EVX1: variants seen among roughly 807,000 people sequenced by gnomAD.
The protein encoded by EVX1 is homeobox even-skipped homolog protein 1.
EVX1 carries 19 observed loss-of-function variants against 28.6 expected under a neutral mutation model. The ratio of observed to expected loss-of-function variants is 0.67; its 90% CI spans 0.46 to 0.98. The LOEUF (loss-of-function observed/expected upper bound fraction) is 0.98. EVX1 is among the 50% of genes least tolerant of loss of function. EVX1 has a pLI of 0.00. For missense variants in EVX1, 660 were observed against 583.0 expected (o/e 1.13, Z -1.36); for synonymous variants, 324 against 278.2 (o/e 1.16, Z -1.64).
chr7:27,243,396 A>T lies in EVX1; in HGVS notation c.366A>T (p.Glu122Asp), dbSNP rs755531580. ...ACACCGAGTCGGATTTCTATGAAGA[A>T]ATCGAGGTGAGCTGCACCCCGGACT... ...SSDTESDFYEEIEVSCTPDCA... is the reference protein window; with the variant it reads ...SSDTESDFYEDIEVSCTPDCA... The change falls in exon 1 of 3, where the codon GAA becomes GAT. Residue 122 changes from glutamate to aspartate, a missense_variant. Glu to Asp is a conservative substitution (Grantham distance 45, BLOSUM62 2). Transcript: ENST00000496902. 6 of 1,612,176 alleles carry T rather than the reference A, an allele frequency of 3.7e-6. No homozygotes were observed. In the South Asian group the frequency reaches 6.6e-5, roughly 18 times the overall value.
chr7:27,246,423 T>C lies in EVX1; in HGVS notation c.1222T>C (p.Ter408GlnextTer10). The C allele has an allele frequency of 6.3e-7, 1 of 1,593,086 alleles. No homozygotes were observed. Among genetic ancestry groups the C allele is most frequent in the Non-Finnish European group, 8.5e-7 (1 of 1,175,590 alleles). ...GAGGGAGGAGGTGCCCCTCACTAGA[T>C]AAGGGGCCGCCGGCTGGCTGCCGGC... ...DQREEVPLTR[*>Q] Residue 408 changes from the stop codon to glutamine (Q), a stop_lost, in exon 3 of 3, where the codon TAA (stop) becomes CAA (glutamine). Transcript: ENST00000496902.
intron 1 of EVX1, chr7:27,243,663 G>C (rs1221269205): frequency 3.6e-6 from 2 of 558,892 alleles, no homozygotes; most frequent in South Asian, 2.9e-5. Flanking sequence ...GCAGTGCCTT[G>C]AGTGCGGGGT....
At position 27,245,272 on chromosome 7, in the gene EVX1, G is replaced by T. The variant is rs1179117246; in HGVS notation, c.652G>T (p.Ala218Ser). The T allele has an allele frequency of 6.2e-6, 10 of 1,613,376 alleles. No homozygotes were observed. Among genetic ancestry groups the T allele is most frequent in the Non-Finnish European group, 7.6e-6 (9 of 1,180,036 alleles). ...VSRPRRCELA[A>S]ALNLPETTIK... ...CAGGCCGCGGAGATGTGAGCTGGCG[G>T]CCGCCCTAAACCTGCCGGAAACCAC... The change falls in exon 2 of 3, where the codon GCC becomes TCC. Residue 218 changes from alanine to serine, a missense_variant. Coordinates refer to ENST00000496902, the MANE Select transcript of EVX1 (RefSeq NM_001989.5).
rs1399564306 is a variant in EVX1 at position 27,245,951 on chromosome 7, G to A, written c.750G>A (p.Pro250=). The change falls in exon 3 of 3, where the codon CCG becomes CCA. Residue 250 remains proline, a synonymous_variant. Coordinates refer to ENST00000496902, the MANE Select transcript of EVX1 (RefSeq NM_001989.5). The part of the protein sequence containing the change: ...RQRLAMTWPH[P]ADPAFYTYMM... ...GCCTGGCCATGACGTGGCCGCACCC[G>A]GCGGACCCCGCCTTCTACACTTACA... The A allele has an allele frequency of 1.9e-6, 3 of 1,609,708 alleles. No individual in the cohort carries two copies. Among genetic ancestry groups the A allele is most frequent in the South Asian group, 1.1e-5 (1 of 91,068 alleles).
At chr7:27,243,508 C>T in intron 1 of EVX1, 51 bp downstream of exon 1, 2 of 1,522,422 alleles carry the variant, frequency 1.3e-6, no homozygotes, top group Non-Finnish European at 1.8e-6. Context: ...GCCCACCCTT[C>T]ACTTCGGCGC....
rs960911160 is a variant in EVX1, at chr7:27,246,383, C to A, written c.1182C>A (p.Ser394=). The change falls in exon 3 of 3, where the codon TCC becomes TCA. Residue 394 remains serine (S), a synonymous_variant. Transcript: ENST00000496902. ...CCTCGGTGCTCAGCAAGGCCTCCTC[C>A]GTCGCGCTGGACCAGAGGGAGGAGG... The part of the protein sequence containing the change: ...FAPSVLSKAS[S]VALDQREEVP... 3.7e-6 allele frequency: 6 copies of A among 1,602,798 alleles called. No homozygotes were observed. In the African/African-American group the frequency reaches 5.4e-5, roughly 14 times the overall value.
rs745565967 is a variant in EVX1, at chr7:27,246,115, G to A, written c.914G>A (p.Arg305His). 4.0e-5 allele frequency: 62 copies of A among 1,542,968 alleles called. No individual in the cohort carries two copies. The highest frequency in any genetic ancestry group is 1.9e-5 in the Admixed American group (1 of 52,400). ...AAASPFSGSLRPLDTFRVLSQ... is the reference protein window; with the variant it reads ...AAASPFSGSLHPLDTFRVLSQ... ...GCCTCGCCCTTCAGCGGCTCGCTGC[G>A]CCCGCTCGACACGTTCCGCGTGCTG... The change falls in exon 3 of 3, where the codon CGC becomes CAC. Residue 305 changes from arginine (R) to histidine (H), a missense_variant. By Grantham distance (29) the Arg-to-His change is conservative. Around this residue, in one of 3 missense-constraint regions of EVX1, gnomAD observed 299 missense variants for 241.3 expected, o/e 1.24. Coordinates refer to ENST00000496902, the MANE Select transcript of EVX1 (RefSeq NM_001989.5).
rs926472648 is a variant in EVX1 at position 27,243,029 on chromosome 7, G to A, written c.-2G>A. 3.8e-6 allele frequency: 6 copies of A among 1,580,680 alleles called. No homozygotes were observed. In the East Asian group the frequency reaches 1.2e-4, roughly 31 times the overall value. ...TCCCCTCCCCCACCGGAGAGCCCCGGGATGGAGAGCCGAAAGGACATGGTT... is the reference window on the plus strand; with the variant it reads ...TCCCCTCCCCCACCGGAGAGCCCCGAGATGGAGAGCCGAAAGGACATGGTT... On this transcript the variant is annotated 5_prime_UTR_variant, in exon 1 of 3. Coordinates refer to ENST00000496902, the MANE Select transcript of EVX1 (RefSeq NM_001989.5).
intron 2 of EVX1, 99 bp downstream of exon 2, chr7:27,245,403 C>T: frequency 6.6e-7 from 1 of 1,520,586 alleles, no homozygotes; most frequent in South Asian, 1.3e-5. Context: ...GAATCTGGGC[C>T]TGGGGTCTCC....
rs1351130439 is a variant in EVX1 at position 27,246,134 on chromosome 7, C to A, written c.933C>A (p.Arg311=). The change falls in exon 3 of 3, where the codon CGC becomes CGA. Residue 311 remains arginine (R), a synonymous_variant. Coordinates refer to ENST00000496902, the MANE Select transcript of EVX1 (RefSeq NM_001989.5). ...SGSLRPLDTF[R]VLSQPYPRPE... ...CGCTGCGCCCGCTCGACACGTTCCGCGTGCTGTCGCAGCCCTACCCGCGGC... is the reference window on the plus strand; with the variant it reads ...CGCTGCGCCCGCTCGACACGTTCCGAGTGCTGTCGCAGCCCTACCCGCGGC... The A allele has an allele frequency of 1.3e-6, 2 of 1,530,802 alleles. No individual in the cohort carries two copies. Among genetic ancestry groups the A allele is most frequent in the Admixed American group, 2.0e-5 (1 of 50,750 alleles). The allele number at this position is 1,530,802 out of a possible 1,614,324, so 94.8% of individuals were successfully genotyped here. A position where few individuals can be genotyped will look rare whatever the true frequency, so the allele number is the denominator to read the frequency against.
In EVX1 at chr7:27,245,095, AC is replaced by A; in HGVS notation, c.480del (p.Lys161ArgfsTer60). 1 of 1,612,860 alleles carries A rather than the reference AC, an allele frequency of 6.2e-7. No homozygotes were observed. The highest frequency in any genetic ancestry group is 1.7e-5 in the Admixed American group (1 of 60,014). ...CGGCAGTCCGAACGGAGGGAGCGAG[AC>A]CCCCAAGAGCAACGGCGGCAGTGGT... ...LVGSPNGGSE[T>X]PKSNGGSGGG... On this transcript the variant is annotated frameshift_variant, in exon 2 of 3. Transcript: ENST00000496902. LOFTEE classifies it high-confidence loss of function.
At chr7:27,244,610 T>C in intron 1 of EVX1, 1 of 524,264 alleles carries the variant, frequency 1.9e-6, no homozygotes, top group South Asian at 7.2e-5. Context: ...TGGCAGCCCG[T>C]CACACATAAG....
In EVX1 at chr7:27,245,908, T is replaced by G. The variant is rs1783158674; in HGVS notation, c.707T>G (p.Met236Arg). 1 of 1,611,904 alleles carries G rather than the reference T, an allele frequency of 6.2e-7. No individual in the cohort carries two copies. Among genetic ancestry groups the G allele is most frequent in the Admixed American group, 1.7e-5 (1 of 59,956 alleles). ...CAGGTGTGGTTCCAGAACCGGCGCATGAAGGACAAGCGGCAGCGCCTGGCC... is the reference window on the plus strand; with the variant it reads ...CAGGTGTGGTTCCAGAACCGGCGCAGGAAGGACAAGCGGCAGCGCCTGGCC... ...TIKVWFQNRR[M>R]KDKRQRLAMT... The change falls in exon 3 of 3, where the codon ATG becomes AGG. Residue 236 changes from methionine to arginine, a missense_variant. Physicochemically the swap from Met to Arg is moderately conservative, Grantham distance 91. Around this residue, in one of 3 missense-constraint regions of EVX1, gnomAD observed 53 missense variants for 85.1 expected, o/e 0.62. Transcript: ENST00000496902.
chr7:27,246,758 A>C lies in EVX1; in HGVS notation c.*333A>C. On this transcript the variant is annotated 3_prime_UTR_variant, in exon 3 of 3. Transcript: ENST00000496902. ...AAACTTAGCAGCAACAGCAACCAATATCCAGTCCCTCGGCCCCTCGGCCCC... is the reference window on the plus strand; with the variant it reads ...AAACTTAGCAGCAACAGCAACCAATCTCCAGTCCCTCGGCCCCTCGGCCCC... The C allele has an allele frequency of 2.0e-4, 72 of 351,536 alleles. No homozygotes were observed. The highest frequency in any genetic ancestry group is 6.5e-4 in the East Asian group (9 of 13,854). The allele number at this position is 351,536 out of a possible 1,614,324, so 21.8% of individuals were successfully genotyped here. A position where few individuals can be genotyped will look rare whatever the true frequency, so the allele number is the denominator to read the frequency against.
chr7:27,244,585 T>C, intron 1 of EVX1: 2 of 709,720 alleles, frequency 2.8e-6, no homozygotes, highest in South Asian at 5.7e-5. Context: ...CTAGTACACA[T>C]TCCCACACCT....
chr7:27,244,613 C>A, intron 1 of EVX1: 1 of 484,020 alleles, frequency 2.1e-6, no homozygotes, highest in Non-Finnish European at 2.8e-6. Context: ...CAGCCCGTCA[C>A]ACATAAGAGC....
At position 27,243,110 on chromosome 7, in the gene EVX1, TG is replaced by T; in HGVS notation, c.81del (p.Leu27PhefsTer22). 1.2e-6 allele frequency: 2 copies of T among 1,612,070 alleles called. No individual in the cohort carries two copies. The highest frequency in any genetic ancestry group is 1.7e-6 in the Non-Finnish European group (2 of 1,179,222). ...GTLVGKRVSN[L>X]SEAVGSPLPE... The stretch of plus-strand genomic sequence containing the variant: ...CTGGTTGGCAAGAGAGTCTCAAATT[TG>T]TCCGAAGCCGTGGGCAGCCCGCTGC... On this transcript the variant is annotated frameshift_variant, in exon 1 of 3. Coordinates refer to ENST00000496902, the MANE Select transcript of EVX1 (RefSeq NM_001989.5). LOFTEE classifies it high-confidence loss of function.
rs2115495969 is a variant in EVX1 at position 27,245,398 on chromosome 7, TG to T, written c.684+97del. ...CTCCCTGAAACGCAGGCCAGGAATC[TG>T]GGCCTGGGGTCTCCCTGCCCGGCGC... On this transcript the variant is annotated intron_variant, in intron 2 of 2. Coordinates refer to ENST00000496902, the MANE Select transcript of EVX1 (RefSeq NM_001989.5). 3.9e-6 allele frequency: 6 copies of T among 1,542,646 alleles called. No homozygotes were observed. The South Asian group carries it at 7.4e-5, about 19-fold the overall frequency.
At chr7:27,243,536 C>G (rs1422971257) in intron 1 of EVX1, 79 bp downstream of exon 1, 1 of 1,445,414 alleles carries the variant, frequency 6.9e-7, no homozygotes, top group Non-Finnish European at 9.2e-7. Flanking sequence ...GAGGAAGACA[C>G]TCCCTTCCCC....
Sources: gnomAD v4.1 joint callset for allele counts on GRCh38, gnomAD v4.1.1 for gene constraint, gnomAD v4.1.1 regional missense constraint, MANE v1.5 for transcripts, NCBI Gene and HGNC (gene_info 2026-07-23, HGNC 2026-07-21) for gene names.